FOXP2: variants seen among roughly 807,000 people sequenced by gnomAD.
FOXP2 encodes the protein forkhead box P2.
Under a neutral mutation model 115.8 loss-of-function variants are expected in FOXP2, and 12 were observed. That is an observed-to-expected ratio of 0.10 (90% confidence interval 0.07 to 0.17). The LOEUF is 0.17. Ranked by LOEUF, FOXP2 falls within the 10% of genes least tolerant of loss-of-function variation. FOXP2 has a pLI of 1.00. For synonymous variants in FOXP2, 328 were observed against 297.7 expected (o/e 1.10, Z -1.05); for missense variants, 629 against 843.5 (o/e 0.75, Z 3.15).
At chr7:114,480,876 A>G (rs1387003194) in intron 2 of FOXP2, among the ~76,000 whole-genome samples, 1 of 151,176 alleles carries the variant, frequency 6.6e-6, no homozygotes, top group Non-Finnish European at 1.5e-5. Context: ...TTAAAGAATC[A>G]TTGTAGACAT....
At chr7:114,458,412 A>G (rs1014200251) in intron 2 of FOXP2, among the ~76,000 whole-genome samples, 1 of 152,150 alleles carries the variant, frequency 6.6e-6, no homozygotes, top group East Asian at 1.9e-4. Context: ...GGAAAAAAAA[A>G]ATCTAAGAAC....
chr7:114,537,606 A>C (rs1362286831), intron 3 of FOXP2, among the ~76,000 whole-genome samples: 1 of 151,584 alleles, frequency 6.6e-6, no homozygotes, highest in Non-Finnish European at 1.5e-5. Flanking sequence ...TTTATCTACT[A>C]TTATTTTTTC....
At chr7:114,522,808 A>G (rs1200751023) in intron 2 of FOXP2, among the ~76,000 whole-genome samples, 5 of 152,074 alleles carry the variant, frequency 3.3e-5, no homozygotes, top group African/African-American at 1.2e-4. Flanking sequence ...AGATAATCTA[A>G]CCTAAATTTC....
At chr7:114,165,860 T>A (rs1792969029) in intron 1 of FOXP2, among the ~76,000 whole-genome samples, 1 of 152,206 alleles carries the variant, frequency 6.6e-6, no homozygotes, top group Non-Finnish European at 1.5e-5. Flanking sequence ...TCTCCAACTT[T>A]AAGACTTAGT....
At chr7:114,292,941 G>C (rs1167003509) in intron 2 of FOXP2, among the ~76,000 whole-genome samples, 1 of 152,118 alleles carries the variant, frequency 6.6e-6, no homozygotes, top group Non-Finnish European at 1.5e-5. Context: ...TTATTCATTC[G>C]TATATTGGCT....
chr7:114,345,322 A>T (rs1791321035), intron 2 of FOXP2, among the ~76,000 whole-genome samples: 1 of 151,814 alleles, frequency 6.6e-6, no homozygotes. Context: ...AAATCATTTT[A>T]TGATTTTGAT....
chr7:114,688,249 CTT>C (rs111370043), intron 16 of FOXP2, among the ~76,000 whole-genome samples: 4 of 116,512 alleles, frequency 3.4e-5, no homozygotes, highest in African/African-American at 3.4e-5. Flanking sequence ...ACACACACAT[CTT>C]TTTTTTTTTT....
intron 2 of FOXP2, among the ~76,000 whole-genome samples, chr7:114,334,187 C>G (rs1036473299): frequency 6.6e-6 from 1 of 151,980 alleles, no homozygotes; most frequent in South Asian, 2.1e-4. Flanking sequence ...AAGAAATGTG[C>G]GGTAGATCAA....
chr7:114,463,237 G>A (rs1039676047), intron 2 of FOXP2: 13 of 219,024 alleles, frequency 5.9e-5, no homozygotes, highest in Non-Finnish European at 1.9e-5. Flanking sequence ...TCAATGATTA[G>A]TATATGTAGA....
intron 2 of FOXP2, among the ~76,000 whole-genome samples, chr7:114,465,147 T>C (rs551336174): frequency 3.4e-4 from 52 of 152,294 alleles, no homozygotes; most frequent in African/African-American, 1.3e-3. Flanking sequence ...TATTTTTAAA[T>C]AGAGATGAGG....
At chr7:114,194,517 A>G (rs2129158168) in intron 1 of FOXP2, among the ~76,000 whole-genome samples, 1 of 152,114 alleles carries the variant, frequency 6.6e-6, no homozygotes, top group Non-Finnish European at 1.5e-5. Flanking sequence ...ATGCTTACCC[A>G]AACTGAATTA....
intron 2 of FOXP2, among the ~76,000 whole-genome samples, chr7:114,460,059 A>G (rs902136943): frequency 6.6e-6 from 1 of 152,068 alleles, no homozygotes; most frequent in African/African-American, 2.4e-5. Context: ...CTAGTGTTTT[A>G]TGTTTTGTTT....
At chr7:114,549,829 A>C (rs536776248) in intron 3 of FOXP2, among the ~76,000 whole-genome samples, 1 of 152,314 alleles carries the variant, frequency 6.6e-6, no homozygotes, top group South Asian at 2.1e-4. Context: ...AAAGAAATAC[A>C]TTATAAATGT....
chr7:114,242,534 A>G (rs1260700369), intron 1 of FOXP2, among the ~76,000 whole-genome samples: 1 of 152,080 alleles, frequency 6.6e-6, no homozygotes, highest in Non-Finnish European at 1.5e-5. Context: ...TATTAATTGG[A>G]CTAGAGATCA....
chr7:114,656,472 G>A (rs1380508258), intron 10 of FOXP2: 1 of 452,358 alleles, frequency 2.2e-6, no homozygotes, highest in Non-Finnish European at 4.5e-6. Flanking sequence ...GATGCATATG[G>A]ATGTTTCTGC....
chr7:114,225,651 C>G (rs1289841855), intron 1 of FOXP2, among the ~76,000 whole-genome samples: 1 of 151,848 alleles, frequency 6.6e-6, no homozygotes, highest in Admixed American at 6.6e-5. Flanking sequence ...TGGGATTTTG[C>G]TGTATTGCTC....
At chr7:114,619,702 G>A (rs542381600) in intron 3 of FOXP2, among the ~76,000 whole-genome samples, 3 of 151,826 alleles carry the variant, frequency 2.0e-5, no homozygotes, top group South Asian at 2.1e-4. Context: ...ATTCTTTTCC[G>A]ATTTCTGTTC....
chr7:114,450,503 C>T (rs1458810827), intron 2 of FOXP2, among the ~76,000 whole-genome samples: 4 of 152,024 alleles, frequency 2.6e-5, no homozygotes, highest in Non-Finnish European at 4.4e-5. Context: ...ACTCAAGCAG[C>T]ATTGTGGTAT....
At chr7:114,148,922 T>A (rs1423887930) in intron 1 of FOXP2, among the ~76,000 whole-genome samples, 2 of 152,188 alleles carry the variant, frequency 1.3e-5, no homozygotes, top group African/African-American at 4.8e-5. Context: ...GCCTGTAGTT[T>A]CTCCAGTTCC....
Sources: allele counts gnomAD v4.1 joint callset (sites outside exome capture counted in the v4.1 genomes callset), GRCh38; gene constraint gnomAD v4.1.1; transcripts MANE v1.5; gene names NCBI Gene and HGNC (gene_info 2026-07-23, HGNC 2026-07-21).